Variants in CUX1 observed in about 807,000 individuals in gnomAD.
CUX1 encodes protein CASP.
A neutral mutation model predicts 158.8 loss-of-function variants in CUX1; 31 were observed. That is an observed-to-expected ratio of 0.20 (90% CI 0.15 to 0.26). The LOEUF (loss-of-function observed/expected upper bound fraction) is 0.26, where lower values mean the gene tolerates loss of function less well. CUX1 is among the 10% of genes least tolerant of loss of function. The pLI, the probability that CUX1 is intolerant of heterozygous loss-of-function variation, is 1.00. For missense variants in CUX1, 1,589 were observed against 2,014.6 expected, an observed-to-expected ratio of 0.79 and a Z score of 4.04; for synonymous variants, 879 against 862.1, an observed-to-expected ratio of 1.02 and a Z score of -0.34.
At chr7:102,085,464 G>T (rs1554480110) in intron 4 of CUX1, among the ~76,000 whole-genome samples, 6 of 152,138 alleles carry the variant, frequency 3.9e-5, no homozygotes, top group Non-Finnish European at 7.3e-5. Flanking sequence ...CTGTTCTTGG[G>T]ATAGTGAGTG....
At chr7:101,867,240 G>C (rs943072667) in intron 1 of CUX1, among the ~76,000 whole-genome samples, 1 of 152,154 alleles carries the variant, frequency 6.6e-6, no homozygotes, top group Non-Finnish European at 1.5e-5. Flanking sequence ...TAAAAAAAGA[G>C]AGAGAGAAAA....
intron 2 of CUX1, among the ~76,000 whole-genome samples, chr7:101,955,161 T>C (rs912667517): frequency 1.4e-5 from 2 of 143,114 alleles, no homozygotes; most frequent in African/African-American, 5.1e-5. Flanking sequence ...ACAGATTCAG[T>C]CTCAAAAAAA....
At chr7:102,130,131 G>C (rs1197830381) in intron 8 of CUX1, among the ~76,000 whole-genome samples, 1 of 152,140 alleles carries the variant, frequency 6.6e-6, no homozygotes, top group Non-Finnish European at 1.5e-5. Flanking sequence ...ACAGTGGGGT[G>C]TCTCATATTT....
At position 102,256,187 on chromosome 7, in the gene CUX1, G is replaced by C. The variant is rs370717083; in HGVS notation, c.*7145G>C. ...GGAGTATCCGTGATTCAGAAGCTGAGACCCTTCCCCAGTGTCTGAGGCCAC... is the reference window on the plus strand; with the variant it reads ...GGAGTATCCGTGATTCAGAAGCTGACACCCTTCCCCAGTGTCTGAGGCCAC... On this transcript the variant is annotated 3_prime_UTR_variant, in exon 24 of 24. Transcript: ENST00000292535. The C allele has an allele frequency of 3.8e-5, 37 of 985,466 alleles. No individual in the cohort carries two copies. In the East Asian group the frequency reaches 2.3e-3, roughly 60 times the overall value. 61.0% of individuals were successfully genotyped at this position (985,466 alleles called of 1,614,324 possible).
At chr7:101,832,286 G>C (rs1360776125) in intron 1 of CUX1, among the ~76,000 whole-genome samples, 1 of 152,184 alleles carries the variant, frequency 6.6e-6, no homozygotes, top group East Asian at 1.9e-4. Context: ...AGATGGGGCT[G>C]GGTGAGTGGC....
chr7:102,156,175 C>G (rs192898484), intron 8 of CUX1, among the ~76,000 whole-genome samples: 1 of 152,132 alleles, frequency 6.6e-6, no homozygotes, highest in Non-Finnish European at 1.5e-5. Context: ...CCCAGGGGCC[C>G]GGAGACAGTT....
intron 2 of CUX1, among the ~76,000 whole-genome samples, chr7:102,017,928 A>G (rs563779475): frequency 6.6e-6 from 1 of 152,300 alleles, no homozygotes; most frequent in Non-Finnish European, 1.5e-5. Context: ...TAAATCACAG[A>G]TGTATTTTCA....
intron 23 of CUX1, among the ~76,000 whole-genome samples, chr7:102,241,238 G>A (rs1800176561): frequency 6.6e-6 from 1 of 152,142 alleles, no homozygotes. Flanking sequence ...GTAGATGGAG[G>A]AAACCCACTG....
At chr7:102,112,943 G>A (rs1042207119) in intron 7 of CUX1, among the ~76,000 whole-genome samples, 2 of 152,120 alleles carry the variant, frequency 1.3e-5, no homozygotes, top group Non-Finnish European at 2.9e-5. Context: ...AATGTAGACA[G>A]ACATCAGAAG....
At chr7:102,224,966 C>T (rs1798199318) in intron 20 of CUX1, among the ~76,000 whole-genome samples, 2 of 152,162 alleles carry the variant, frequency 1.3e-5, no homozygotes, top group South Asian at 2.1e-4. Flanking sequence ...GGATGATCTG[C>T]CAGGCCGGCC....
chr7:102,176,110 T>C (rs994194987), intron 10 of CUX1, among the ~76,000 whole-genome samples: 2 of 152,242 alleles, frequency 1.3e-5, no homozygotes, highest in African/African-American at 2.4e-5. Flanking sequence ...GAAACACCTC[T>C]TTTACAACCT....
rs373099314 is a variant in CUX1 at position 102,004,539 on chromosome 7, T to G, written c.142-23559T>G. Among the ~76,000 whole-genome samples the G allele has an allele frequency of 2.1e-4, 32 of 152,168 alleles. 1 individual carries two copies. The East Asian group carries it at 2.1e-3, about 10-fold the overall frequency. ...CAATAAACTTTCATTCCAAGAGTGT[T>G]CTGGGCTTCTAAGAAATATATTCCT... is the stretch of plus-strand genomic sequence containing the variant. On this transcript the variant is annotated intron_variant, in intron 2 of 23. Coordinates refer to ENST00000292535, the MANE Select transcript of CUX1 (RefSeq NM_181552.4).
chr7:101,914,040 T>C (rs1803833991), intron 1 of CUX1, among the ~76,000 whole-genome samples: 1 of 152,084 alleles, frequency 6.6e-6, no homozygotes, highest in African/African-American at 2.4e-5. Flanking sequence ...TTCCACCACA[T>C]TGGTTTCGGT....
chr7:101,875,181 A>C (rs778229758), intron 1 of CUX1, among the ~76,000 whole-genome samples: 2 of 152,144 alleles, frequency 1.3e-5, no homozygotes, highest in Non-Finnish European at 2.9e-5. Context: ...GTCCTGGGTC[A>C]TTCTTCCTTA....
intron 8 of CUX1, among the ~76,000 whole-genome samples, chr7:102,129,821 G>A (rs537213213): frequency 5.9e-5 from 9 of 152,292 alleles, no homozygotes; most frequent in East Asian, 5.8e-4. Context: ...CCAAGGTGGC[G>A]GCCCGCATTG....
chr7:101,907,602 G>T (rs1359053512), intron 1 of CUX1, among the ~76,000 whole-genome samples: 1 of 152,104 alleles, frequency 6.6e-6, no homozygotes, highest in African/African-American at 2.4e-5. Flanking sequence ...ACCTGCTCCA[G>T]CCTCCCAAAG....
intron 1 of CUX1, among the ~76,000 whole-genome samples, chr7:101,865,923 C>T (rs911290697): frequency 1.3e-5 from 2 of 152,080 alleles, no homozygotes; most frequent in African/African-American, 4.8e-5. Flanking sequence ...ACCTTGACGT[C>T]GACCAAAAGA....
In CUX1 at chr7:101,987,525, T is replaced by A. The variant is rs544190211; in HGVS notation, c.142-40573T>A. ...TTTTATTCAAAAGACATTTGATGAGTTGACTATTGGGGGAACCTTGACCCC... is the reference window on the plus strand; with the variant it reads ...TTTTATTCAAAAGACATTTGATGAGATGACTATTGGGGGAACCTTGACCCC... On this transcript the variant is annotated intron_variant, in intron 2 of 23. Transcript: ENST00000292535. 5.6e-4 allele frequency among the ~76,000 whole-genome samples: 86 copies of A among 152,342 alleles called. 2 individuals are homozygous for A. Among genetic ancestry groups the A allele is most frequent in the African/African-American group, 2.0e-3 (85 of 41,568 alleles).
intron 9 of CUX1, among the ~76,000 whole-genome samples, chr7:102,162,975 A>T (rs572482780): frequency 6.6e-6 from 1 of 152,290 alleles, no homozygotes; most frequent in East Asian, 1.9e-4. Context: ...AGTGGACCGA[A>T]GGAGGGATTG....
Sources: allele counts gnomAD v4.1 joint callset (sites outside exome capture counted in the v4.1 genomes callset), GRCh38; gene constraint gnomAD v4.1.1; transcripts MANE v1.5; gene names NCBI Gene and HGNC (gene_info 2026-07-23, HGNC 2026-07-21).